The following WWOX variants were observed in gnomAD, a reference collection of about 807,000 sequenced individuals.
The protein encoded by WWOX is WW domain-containing oxidoreductase.
WWOX carries 69 observed loss-of-function variants against 46.2 expected under a neutral mutation model. The observed-to-expected ratio is 1.49, with a 90% CI of 1.23 to 1.82. The LOEUF (loss-of-function observed/expected upper bound fraction) is 1.82, where lower values mean the gene tolerates loss of function less well. Among genes scored for constraint, WWOX ranks in the 40% most tolerant of loss-of-function variants. The pLI, the probability that WWOX is intolerant of heterozygous loss-of-function variation, is 0.00. For missense variants in WWOX, 919 were observed against 542.6 expected (o/e 1.69, Z -6.89); for synonymous variants, 359 against 202.6 (o/e 1.77, Z -6.56).
chr16:78,590,114 G>C (rs1329196961), intron 8 of WWOX, among the ~76,000 whole-genome samples: 1 of 150,242 alleles, frequency 6.7e-6, no homozygotes, highest in Non-Finnish European at 1.5e-5. Context: ...TAGGAAAATA[G>C]CTTGCCATGT....
At chr16:78,827,134 G>A (rs2051679635) in intron 8 of WWOX, among the ~76,000 whole-genome samples, 1 of 152,086 alleles carries the variant, frequency 6.6e-6, no homozygotes, top group Admixed American at 6.6e-5. Context: ...TTCTGTGGGG[G>A]CTAAATCAAA....
rs373503155 is a variant in WWOX at position 78,780,693 on chromosome 16, G to A, written c.1056+347941G>A. Among the ~76,000 whole-genome samples the A allele has an allele frequency of 2.0e-5, 3 of 152,154 alleles. No homozygotes were observed. The East Asian group carries it at 5.8e-4, about 29-fold the overall frequency. On this transcript the variant is annotated intron_variant, in intron 8 of 8. Transcript: ENST00000566780. ...GCGCTGCATGGGGGAGAACAGTCTA[G>A]GCAAGGTGAACGGAAGTGCAGGGTC...
intron 8 of WWOX, among the ~76,000 whole-genome samples, chr16:78,588,542 A>G (rs765909931): frequency 9.2e-5 from 14 of 152,172 alleles, no homozygotes; most frequent in South Asian, 2.1e-4. Context: ...ATGAAATACT[A>G]TAATCACAGA....
At chr16:79,179,236 A>G (rs927804717) in intron 8 of WWOX, among the ~76,000 whole-genome samples, 2 of 152,248 alleles carry the variant, frequency 1.3e-5, no homozygotes, top group African/African-American at 4.8e-5. Context: ...AATGCCAGGT[A>G]AGCAATGCTT....
At chr16:78,408,650 T>C (rs1404317775) in intron 6 of WWOX, among the ~76,000 whole-genome samples, 3 of 152,206 alleles carry the variant, frequency 2.0e-5, no homozygotes, top group Non-Finnish European at 4.4e-5. Flanking sequence ...GTCATTCCGT[T>C]GTGCCTGTCG....
chr16:78,140,066 C>T (rs535998584), intron 4 of WWOX, among the ~76,000 whole-genome samples: 1 of 152,232 alleles, frequency 6.6e-6, no homozygotes, highest in East Asian at 1.9e-4. Flanking sequence ...CAGAGAATCT[C>T]TAGGATGGAA....
chr16:78,726,694 G>C (rs1054328171), intron 8 of WWOX, among the ~76,000 whole-genome samples: 1 of 144,778 alleles, frequency 6.9e-6, no homozygotes, highest in Non-Finnish European at 1.5e-5. Context: ...CCTAGGGTTA[G>C]TTGGTTGGTT....
At chr16:78,753,863 T>C in intron 8 of WWOX, among the ~76,000 whole-genome samples, 1 of 129,516 alleles carries the variant, frequency 7.7e-6, no homozygotes, top group South Asian at 2.5e-4. Flanking sequence ...TATGTATATG[T>C]ATATGTATAT....
chr16:78,954,110 C>T (rs541139998), intron 8 of WWOX, among the ~76,000 whole-genome samples: 264 of 152,200 alleles, frequency 1.7e-3, no homozygotes, highest in African/African-American at 5.7e-3. Flanking sequence ...TTTGCTTTTT[C>T]TTTTTTAAAT....
At chr16:79,050,082 G>C (rs114723068) in intron 8 of WWOX, among the ~76,000 whole-genome samples, 3,900 of 152,216 alleles carry the variant, frequency 0.026, 180 homozygotes, top group African/African-American at 0.089. Flanking sequence ...TGAAGCATAG[G>C]CCAGTGACTT....
intron 5 of WWOX, among the ~76,000 whole-genome samples, chr16:78,275,949 T>C (rs1470100436): frequency 6.6e-6 from 1 of 152,008 alleles, no homozygotes; most frequent in East Asian, 1.9e-4. Context: ...GCTCTGCCTC[T>C]AATCTGCTGC....
intron 8 of WWOX, among the ~76,000 whole-genome samples, chr16:79,019,798 A>T (rs1362842668): frequency 6.6e-6 from 1 of 152,048 alleles, no homozygotes; most frequent in Non-Finnish European, 1.5e-5. Context: ...TCTGCATCAG[A>T]CTCAAAACCC....
chr16:78,122,609 CT>C (rs71137872), intron 4 of WWOX, among the ~76,000 whole-genome samples: 5,789 of 142,722 alleles, frequency 0.041, 151 homozygotes, highest in Non-Finnish European at 0.062. Flanking sequence ...CATTTTTTTT[CT>C]TTTTTTTTTT....
intron 8 of WWOX, among the ~76,000 whole-genome samples, chr16:78,628,829 C>T (rs1426296213): frequency 6.6e-6 from 1 of 152,180 alleles, no homozygotes; most frequent in Non-Finnish European, 1.5e-5. Context: ...CGCTTCCCTT[C>T]CAGCTGGTTT....
At chr16:78,410,704 G>T (rs1051357663) in intron 6 of WWOX, among the ~76,000 whole-genome samples, 1 of 151,518 alleles carries the variant, frequency 6.6e-6, no homozygotes, top group Non-Finnish European at 1.5e-5. Context: ...TAGTTGGGGG[G>T]CTAAGGCTGG....
chr16:79,021,412 G>T (rs1254038864), intron 8 of WWOX, among the ~76,000 whole-genome samples: 1 of 152,036 alleles, frequency 6.6e-6, no homozygotes, highest in Non-Finnish European at 1.5e-5. Flanking sequence ...CAGAATAATG[G>T]TTTTGAATAC....
intron 8 of WWOX, among the ~76,000 whole-genome samples, chr16:78,934,456 C>G (rs936838061): frequency 4.3e-5 from 6 of 139,774 alleles, no homozygotes; most frequent in African/African-American, 1.6e-4. Context: ...CTGCAGTGAA[C>G]TGTGATCACG....
intron 8 of WWOX, among the ~76,000 whole-genome samples, chr16:79,018,514 G>A (rs1194874088): frequency 6.6e-6 from 1 of 152,146 alleles, no homozygotes; most frequent in Non-Finnish European, 1.5e-5. Context: ...GAAGGGATTT[G>A]ACAATGGTCT....
intron 8 of WWOX, among the ~76,000 whole-genome samples, chr16:78,684,344 A>T (rs949511963): frequency 1.3e-5 from 2 of 152,160 alleles, no homozygotes; most frequent in Non-Finnish European, 2.9e-5. Flanking sequence ...ACCTAAGTAG[A>T]AGGACCTATG....
Sources: allele counts gnomAD v4.1 joint callset (sites outside exome capture counted in the v4.1 genomes callset), GRCh38; gene constraint gnomAD v4.1.1; transcripts MANE v1.5; gene names NCBI Gene and HGNC (gene_info 2026-07-23, HGNC 2026-07-21).